Variants in TAF12 observed in about 807,000 individuals in gnomAD.
TAF12 encodes the protein transcription initiation factor TFIID subunit 12.
Under a neutral mutation model 20.8 loss-of-function variants are expected in TAF12, and 3 were observed. The observed-to-expected ratio is 0.14, with a 90% CI of 0.07 to 0.37. TAF12 has a LOEUF of 0.37. Among genes scored for constraint, TAF12 ranks in the 10% least tolerant of loss-of-function variants. The pLI, the probability that TAF12 is intolerant of heterozygous loss-of-function variation, is 1.00. For missense variants in TAF12, 131 were observed against 197.9 expected (o/e 0.66, Z 2.03); for synonymous variants, 69 against 70.2 (o/e 0.98, Z 0.09).
intron 3 of TAF12, among the ~76,000 whole-genome samples, chr1:28,614,598 G>A (rs866218290): frequency 1.3e-5 from 2 of 151,398 alleles, no homozygotes; most frequent in Non-Finnish European, 2.9e-5. Context: ...CAGGAGAATC[G>A]CTGAAGCCGG....
chr1:28,622,844 A>C (rs1029040440), intron 1 of TAF12, among the ~76,000 whole-genome samples: 2 of 151,956 alleles, frequency 1.3e-5, no homozygotes, highest in African/African-American at 4.8e-5. Context: ...AACATGGTGA[A>C]ACCCCATCTC....
intron 4 of TAF12, among the ~76,000 whole-genome samples, chr1:28,611,112 T>G (rs1666847510): frequency 6.6e-6 from 1 of 152,046 alleles, no homozygotes; most frequent in South Asian, 2.1e-4. Context: ...TGCCAGGTGC[T>G]CATGGGATGT....
intron 1 of TAF12, among the ~76,000 whole-genome samples, chr1:28,640,396 G>A (rs942464724): frequency 2.0e-5 from 3 of 152,188 alleles, no homozygotes; most frequent in African/African-American, 7.2e-5. Context: ...CTATTTTGCT[G>A]ATGGACAAAC....
chr1:28,622,129 G>C lies in TAF12; in HGVS notation c.-48C>G. 6.4e-7 allele frequency: 1 copy of C among 1,560,626 alleles called. No individual in the cohort carries two copies. The highest frequency in any genetic ancestry group is 8.6e-7 in the Non-Finnish European group (1 of 1,158,892). ...AGCTCATAGAGCTTATCGAGATCCT[G>C]TTTCTTTTTGGAGCTGTGAGGACCA... On this transcript the variant is annotated 5_prime_UTR_variant, in exon 2 of 6. Transcript: ENST00000373824.
intron 1 of TAF12, among the ~76,000 whole-genome samples, chr1:28,640,406 C>CT (rs1427499600): frequency 2.6e-5 from 4 of 152,138 alleles, no homozygotes; most frequent in African/African-American, 7.2e-5. Context: ...GATGGACAAA[C>CT]TGAGAGGAAT....
At chr1:28,620,306 G>A (rs1433853588) in intron 2 of TAF12, among the ~76,000 whole-genome samples, 1 of 151,222 alleles carries the variant, frequency 6.6e-6, no homozygotes, top group East Asian at 2.0e-4. Flanking sequence ...GTTGATTTTT[G>A]TAATTTTAGT....
chr1:28,641,475 A>AC (rs1207082458), intron 1 of TAF12, among the ~76,000 whole-genome samples: 10 of 151,988 alleles, frequency 6.6e-5, no homozygotes, highest in Admixed American at 3.9e-4. Flanking sequence ...TCTGTCTCAA[A>AC]AAAACAAAAC....
intron 3 of TAF12, among the ~76,000 whole-genome samples, chr1:28,615,020 G>A (rs970197098): frequency 7.2e-5 from 11 of 151,814 alleles, no homozygotes; most frequent in African/African-American, 2.7e-4. Context: ...GAAGTGGGAC[G>A]CCTGCTTGAG....
At chr1:28,647,333 G>A (rs527362914), upstream of TAF12, among the ~76,000 whole-genome samples, 52 of 152,016 alleles carry the variant, frequency 3.4e-4, no homozygotes, top group African/African-American at 1.2e-3. Flanking sequence ...TGTCACCTAG[G>A]CTGGAGTGCA....
At chr1:28,620,841 T>C (rs1182130776) in intron 2 of TAF12, among the ~76,000 whole-genome samples, 1 of 152,158 alleles carries the variant, frequency 6.6e-6, no homozygotes, top group Non-Finnish European at 1.5e-5. Context: ...TATTTGTTAA[T>C]GATGTCTCAT....
At chr1:28,636,974 C>G (rs1173972234) in intron 1 of TAF12, among the ~76,000 whole-genome samples, 1 of 150,102 alleles carries the variant, frequency 6.7e-6, no homozygotes, top group Non-Finnish European at 1.5e-5. Flanking sequence ...TAAAGCAAGA[C>G]CCCATCTCTC....
chr1:28,642,731 G>C (rs1337115635), intron 1 of TAF12: 1 of 985,106 alleles, frequency 1.0e-6, no homozygotes, highest in Non-Finnish European at 1.2e-6. Context: ...TCATAATCCT[G>C]CTCCTCTCAG....
intron 1 of TAF12, among the ~76,000 whole-genome samples, chr1:28,624,608 A>T (rs978176647): frequency 1.3e-5 from 2 of 152,102 alleles, no homozygotes; most frequent in South Asian, 4.2e-4. Context: ...CTAGCCAGGC[A>T]TGGTGGCACG....
rs4252970 is a variant in TAF12 at position 28,639,656 on chromosome 1, G to A, written c.-85+3336C>T. Among the ~76,000 whole-genome samples the A allele has an allele frequency of 1.1e-3, 160 of 152,150 alleles. 2 individuals carry two copies. The highest frequency in any genetic ancestry group is 1.7e-3 in the Admixed American group (26 of 15,262). On this transcript the variant is annotated intron_variant, in intron 1 of 5. Transcript: ENST00000373824. The stretch of plus-strand genomic sequence containing the variant: ...CTTTGAAGTGGTGACATGGGCATCG[G>A]TATGCTTTCCCTTATAAGTTGGTAT...
intron 5 of TAF12, 102 bp from the exon 6 acceptor site, chr1:28,603,676 G>A: frequency 8.3e-6 from 10 of 1,210,454 alleles, no homozygotes; most frequent in African/African-American, 1.5e-5. Context: ...TACACTGTAG[G>A]CCGCAGCCCT....
At chr1:28,643,697 C>T (rs750475519), upstream of TAF12, among the ~76,000 whole-genome samples, 2 of 152,318 alleles carry the variant, frequency 1.3e-5, no homozygotes, top group Middle Eastern at 6.8e-3. Flanking sequence ...TCAGAACTCA[C>T]TACTAAGCCA....
chr1:28,630,929 C>T (rs2124364965), intron 1 of TAF12, among the ~76,000 whole-genome samples: 1 of 151,290 alleles, frequency 6.6e-6, no homozygotes, highest in East Asian at 2.0e-4. Context: ...GCCTATAATC[C>T]CAGCTACTCG....
At chr1:28,629,341 GTTTT>G (rs1243622753) in intron 1 of TAF12, among the ~76,000 whole-genome samples, 2 of 151,960 alleles carry the variant, frequency 1.3e-5, no homozygotes, top group African/African-American at 4.8e-5. Flanking sequence ...TTTTCTTCCT[GTTTT>G]TTGTTTCTGA....
intron 2 of TAF12, among the ~76,000 whole-genome samples, chr1:28,620,026 G>A (rs1175700499): frequency 6.6e-6 from 1 of 151,750 alleles, no homozygotes; most frequent in East Asian, 1.9e-4. Flanking sequence ...TGCTAACCAT[G>A]GCTATTTTAG....
Sources: allele counts gnomAD v4.1 joint callset (sites outside exome capture counted in the v4.1 genomes callset), GRCh38; gene constraint gnomAD v4.1.1; transcripts MANE v1.5; gene names NCBI Gene and HGNC (gene_info 2026-07-23, HGNC 2026-07-21).